Variants in RNPEP observed in about 807,000 individuals in gnomAD.
RNPEP encodes aminopeptidase B.
In RNPEP, 57 loss-of-function variants were observed where a neutral mutation model predicts 70.1. The observed-to-expected ratio is 0.81, with a 90% CI of 0.66 to 1.01. The LOEUF (loss-of-function observed/expected upper bound fraction) is 1.01, where lower values mean the gene tolerates loss of function less well. Among genes scored for constraint, RNPEP ranks in the 50% least tolerant of loss-of-function variants. The pLI is 0.00. For synonymous variants in RNPEP, 335 were observed against 357.4 expected (o/e 0.94, Z 0.71); for missense variants, 787 against 852.4 (o/e 0.92, Z 0.96).
chr1:202,004,335 A>T lies in RNPEP; in HGVS notation c.1652-19A>T. ...GACCCACCGTGACCAGCCACAAACC[A>T]TTTCTTTCTCTTCTCCAGGGAATGT... On this transcript the variant is annotated intron_variant, in intron 9 of 10. Transcript: ENST00000295640. The T allele has an allele frequency of 8.1e-6, 13 of 1,613,700 alleles. No individual in the cohort carries two copies. The highest frequency in any genetic ancestry group is 1.1e-5 in the Non-Finnish European group (13 of 1,179,848).
In RNPEP at chr1:201,999,954, G is replaced by A. The variant is rs1130790; in HGVS notation, c.1143G>A (p.Gln381=). The A allele has an allele frequency of 0.42, 670,488 of 1,612,810 alleles. 144,588 individuals carry two copies. Among genetic ancestry groups the A allele is most frequent in the Non-Finnish European group, 0.44 (524,781 of 1,179,346 alleles). Residue 381 remains glutamine, a synonymous_variant, in exon 6 of 11, where the codon CAG becomes CAA. Transcript: ENST00000295640. ...CAACGGGGCGGGCTCTGCTGCGTCAGCACATGGACATCACTGGAGAGGAAA... is the reference window on the plus strand; with the variant it reads ...CAACGGGGCGGGCTCTGCTGCGTCAACACATGGACATCACTGGAGAGGAAA... The part of the protein sequence containing the change: ...EAATGRALLR[Q]HMDITGEENP...
In RNPEP at chr1:201,989,007, C is replaced by T. The variant is rs200376541; in HGVS notation, c.551C>T (p.Thr184Met). 3.2e-5 allele frequency: 52 copies of T among 1,614,046 alleles called. No individual in the cohort carries two copies. Among genetic ancestry groups the T allele is most frequent in the East Asian group, 8.9e-5 (4 of 44,900 alleles). Residue 184 changes from threonine to methionine, a missense_variant, in exon 2 of 11, where the codon ACG becomes ATG. Thr to Met is a moderately conservative substitution (Grantham distance 81). Coordinates refer to ENST00000295640, the MANE Select transcript of RNPEP (RefSeq NM_020216.4). ...LNRAFFPCFDTPAVKYKYSAL... is the reference protein window; with the variant it reads ...LNRAFFPCFDMPAVKYKYSAL... ...CGGGCCTTCTTCCCTTGCTTCGACA[C>T]GCCTGCTGTTAAATACAAGTATTCA...
At chr1:201,987,532 G>C (rs1683177210) in intron 1 of RNPEP, among the ~76,000 whole-genome samples, 1 of 148,944 alleles carries the variant, frequency 6.7e-6, no homozygotes, top group African/African-American at 2.5e-5. Context: ...CTGCCTCCTG[G>C]GTTCAAGCAA....
intron 3 of RNPEP, among the ~76,000 whole-genome samples, chr1:201,992,872 G>C (rs1213819242): frequency 6.6e-6 from 1 of 152,138 alleles, no homozygotes; most frequent in Non-Finnish European, 1.5e-5. Flanking sequence ...CATGTGTGGG[G>C]TTTTCCAGAA....
At chr1:202,000,291 G>A (rs1049495591) in intron 6 of RNPEP, 2 of 324,692 alleles carry the variant, frequency 6.2e-6, no homozygotes, top group East Asian at 6.5e-5. Context: ...AGGCTCTTTC[G>A]CATTCCTTCA....
chr1:201,997,537 T>G lies in RNPEP; in HGVS notation c.1073T>G (p.Ile358Ser). The G allele has an allele frequency of 6.2e-7, 1 of 1,613,592 alleles. No homozygotes were observed. Among genetic ancestry groups the G allele is most frequent in the Non-Finnish European group, 8.5e-7 (1 of 1,179,590 alleles). ...EGFTMYAQRR[I>S]STILFGAAYT... ...TTCACCATGTACGCCCAGAGGAGGA[T>G]CTCCACCATCCTCTTTGGTAAAGTG... is the stretch of plus-strand genomic sequence containing the variant. Residue 358 changes from isoleucine to serine, a missense_variant, in exon 5 of 11, where the codon ATC becomes AGC. Physicochemically the swap from Ile to Ser is moderately radical, Grantham distance 142. Transcript: ENST00000295640.
chr1:201,989,176 A>G, intron 2 of RNPEP, 132 bp downstream of exon 2: 1 of 1,315,564 alleles, frequency 7.6e-7, no homozygotes, highest in South Asian at 1.4e-5. Flanking sequence ...GCTTACTTTT[A>G]AATTCTTCCA....
In RNPEP at chr1:202,001,390, G is replaced by A. The variant is rs747338006; in HGVS notation, c.1219G>A (p.Asp407Asn). ...TCCTCTGCCAGGCGTTGACCCGGAC[G>A]ACACCTATAATGAGACCCCCTACGA... Reference protein sequence around the residue: ...VKIEPGVDPDDTYNETPYEKG... With the variant: ...VKIEPGVDPDNTYNETPYEKG... The change falls in exon 7 of 11, where the codon GAC becomes AAC. Residue 407 changes from aspartate (D) to asparagine (N), a missense_variant. Asp to Asn is a conservative substitution (Grantham distance 23). Transcript: ENST00000295640. The A allele has an allele frequency of 1.1e-5, 18 of 1,613,484 alleles. No homozygotes were observed. The highest frequency in any genetic ancestry group is 8.0e-5 in the African/African-American group (6 of 74,904).
chr1:202,002,480 G>A (rs1403557330), intron 8 of RNPEP, among the ~76,000 whole-genome samples: 1 of 152,158 alleles, frequency 6.6e-6, no homozygotes, highest in Non-Finnish European at 1.5e-5. Context: ...CTGCCTGGGA[G>A]GTACCACTTC....
chr1:201,991,794 T>C (rs1227886868), intron 3 of RNPEP, among the ~76,000 whole-genome samples: 2 of 152,176 alleles, frequency 1.3e-5, no homozygotes, highest in African/African-American at 4.8e-5. Flanking sequence ...CTTGGATGAC[T>C]GTCTTAAACC....
At chr1:201,989,908 G>C (rs1017150096) in intron 3 of RNPEP, among the ~76,000 whole-genome samples, 1 of 151,538 alleles carries the variant, frequency 6.6e-6, no homozygotes, top group African/African-American at 2.4e-5. Context: ...GCAATGGTGC[G>C]ATCTTGGCTC....
intron 3 of RNPEP, among the ~76,000 whole-genome samples, chr1:201,994,284 G>C (rs984791864): frequency 2.0e-5 from 3 of 152,148 alleles, no homozygotes; most frequent in African/African-American, 7.2e-5. Context: ...GTGTTCTGCA[G>C]CCAGGATGAT....
chr1:201,984,071 C>T (rs1254354878), intron 1 of RNPEP, among the ~76,000 whole-genome samples: 1 of 152,202 alleles, frequency 6.6e-6, no homozygotes, highest in Non-Finnish European at 1.5e-5. Flanking sequence ...GCTGGGACTA[C>T]AGGCGTGCGC....
intron 1 of RNPEP, among the ~76,000 whole-genome samples, chr1:201,984,575 C>T (rs887619534): frequency 6.6e-6 from 1 of 152,090 alleles, no homozygotes; most frequent in Non-Finnish European, 1.5e-5. Flanking sequence ...GATAACACCA[C>T]TGCACTCCAG....
Position 201,983,040 on chromosome 1 carries a change from C to T in RNPEP, c.374C>T (p.Ser125Phe), listed in dbSNP as rs201819747. The T allele has an allele frequency of 1.0e-3, 1,522 of 1,528,062 alleles. 2 individuals carry two copies. Among genetic ancestry groups the T allele is most frequent in the Non-Finnish European group, 1.3e-3 (1,456 of 1,140,960 alleles). The allele number at this position is 1,528,062 out of a possible 1,614,324, so 94.7% of individuals were successfully genotyped here. A position where few individuals can be genotyped will look rare whatever the true frequency, so the allele number is the denominator to read the frequency against. ...CACTATGGCCAGGCCCTGTGCGTGT[C>T]CTTCCCGCAGCCCTGCCGCGCCGCC... ...FSHYGQALCV[S>F]FPQPCRAAER... The change falls in exon 1 of 11, where the codon TCC becomes TTC. Residue 125 changes from serine (S) to phenylalanine (F), a missense_variant. By Grantham distance (155) the Ser-to-Phe change is radical. Transcript: ENST00000295640.
At chr1:201,992,582 C>T (rs996418112) in intron 3 of RNPEP, among the ~76,000 whole-genome samples, 8 of 152,148 alleles carry the variant, frequency 5.3e-5, no homozygotes, top group East Asian at 3.9e-4. Context: ...GCCTCCCTTC[C>T]GGCAAGCCAC....
At chr1:201,992,786 A>C (rs1020082273) in intron 3 of RNPEP, among the ~76,000 whole-genome samples, 2 of 152,220 alleles carry the variant, frequency 1.3e-5, no homozygotes, top group African/African-American at 4.8e-5. Context: ...GAAAATAGTG[A>C]AACTACACAG....
chr1:201,994,669 T>TC (rs202048127), intron 3 of RNPEP, among the ~76,000 whole-genome samples: 1 of 120,214 alleles, frequency 8.3e-6, no homozygotes, highest in Non-Finnish European at 1.8e-5. Context: ...CATCAGTCTC[T>TC]TTTTTTTTTT....
intron 1 of RNPEP, among the ~76,000 whole-genome samples, 169 bp from the exon 2 acceptor site, chr1:201,988,735 G>C (rs1180320644): frequency 6.6e-6 from 1 of 152,178 alleles, no homozygotes; most frequent in Admixed American, 6.5e-5. Context: ...ATGGATTCCA[G>C]GATGAACTAA....
Sources: gnomAD v4.1 joint callset for allele counts (sites outside exome capture counted in the v4.1 genomes callset) on GRCh38, gnomAD v4.1.1 for gene constraint, MANE v1.5 for transcripts, NCBI Gene and HGNC (gene_info 2026-07-23, HGNC 2026-07-21) for gene names.